RBFOX1: variants seen among roughly 807,000 people sequenced by gnomAD.
The protein encoded by RBFOX1 is RNA binding fox-1 homolog 1.
In RBFOX1, 8 loss-of-function variants were observed where a neutral mutation model predicts 57.7. The observed-to-expected ratio is 0.14, with a 90% CI of 0.08 to 0.25. RBFOX1 has a LOEUF of 0.25. Ranked by LOEUF, RBFOX1 falls within the 10% of genes least tolerant of loss-of-function variation. RBFOX1 has a pLI of 1.00. For missense variants in RBFOX1, 611 were observed against 548.5 expected (o/e 1.11, Z -1.14); for synonymous variants, 326 against 222.4 (o/e 1.47, Z -4.15).
chr16:5,241,176 G>A (rs2062158091), intron 1 of RBFOX1, among the ~76,000 whole-genome samples: 1 of 152,170 alleles, frequency 6.6e-6, no homozygotes, highest in African/African-American at 2.4e-5. Flanking sequence ...GCCCAGTCTT[G>A]GGGTTGCTCC....
rs77663504 is a variant in RBFOX1, at chr16:6,830,923, A to T, written c.-16+176273A>T. On this transcript the variant is annotated intron_variant, in intron 3 of 15. Coordinates refer to ENST00000550418, the MANE Select transcript of RBFOX1 (RefSeq NM_018723.4). The stretch of plus-strand genomic sequence containing the variant: ...TTTCAGCAACCAGGTAGAATTGGTC[A>T]TATAGCCTGTTGTGAATCCATGGAT... Among the ~76,000 whole-genome samples, 443 of 152,310 alleles carry T rather than the reference A, an allele frequency of 2.9e-3. 3 individuals are homozygous for T. The highest frequency in any genetic ancestry group is 0.01 in the African/African-American group (430 of 41,566).
At chr16:6,824,992 T>TG (rs1259530569) in intron 3 of RBFOX1, among the ~76,000 whole-genome samples, 1 of 103,102 alleles carries the variant, frequency 9.7e-6, no homozygotes, top group Non-Finnish European at 2.0e-5. Flanking sequence ...GGTTTTTTTT[T>TG]TTTTTTTTTT....
At chr16:6,483,984 G>T (rs896751592) in intron 2 of RBFOX1, 31 of 1,015,080 alleles carry the variant, frequency 3.1e-5, no homozygotes, top group Non-Finnish European at 3.4e-5. Flanking sequence ...GGTGCCCCGT[G>T]GTGGGGGTGG....
chr16:5,756,223 C>CAAAAAAAA (rs5815266), intron 3 of RBFOX1, among the ~76,000 whole-genome samples: 107 of 50,584 alleles, frequency 2.1e-3, no homozygotes, highest in Non-Finnish European at 2.6e-3. Context: ...TCCACATAAG[C>CAAAAAAAA]AAAAAAAAAA....
intron 4 of RBFOX1, among the ~76,000 whole-genome samples, chr16:7,445,160 C>A (rs1303397442): frequency 1.3e-5 from 2 of 152,002 alleles, no homozygotes; most frequent in Non-Finnish European, 1.5e-5. Context: ...AAGGGCTCAG[C>A]ATGTGCCTGG....
intron 7 of RBFOX1, among the ~76,000 whole-genome samples, chr16:7,594,666 C>G (rs1165177413): frequency 6.6e-6 from 1 of 152,052 alleles, no homozygotes; most frequent in East Asian, 1.9e-4. Flanking sequence ...GAGGAAGTGG[C>G]CAGAATATTA....
Position 6,554,076 on chromosome 16 carries a change from A to G in RBFOX1, c.-63-100527A>G, listed in dbSNP as rs1041973951. 2.0e-5 allele frequency among the ~76,000 whole-genome samples: 3 copies of G among 152,228 alleles called. No individual in the cohort carries two copies. In the East Asian group the frequency reaches 5.8e-4, roughly 29 times the overall value. On this transcript the variant is annotated intron_variant, in intron 2 of 15. Coordinates refer to ENST00000550418, the MANE Select transcript of RBFOX1 (RefSeq NM_018723.4). ...TGGATAAATAAGTGCTGGCCTTAAC[A>G]TAACAGTTTAATGTCTGTGCAAAAT...
chr16:7,643,956 AC>A (rs1318116250), intron 11 of RBFOX1, among the ~76,000 whole-genome samples: 1 of 152,140 alleles, frequency 6.6e-6, no homozygotes, highest in African/African-American at 2.4e-5. Flanking sequence ...CTGCAAATTA[AC>A]CCAGTCTATG....
At chr16:6,359,056 C>T (rs1254578993) in intron 2 of RBFOX1, among the ~76,000 whole-genome samples, 2 of 151,784 alleles carry the variant, frequency 1.3e-5, no homozygotes, top group Non-Finnish European at 2.9e-5. Flanking sequence ...ATAACAAATG[C>T]TCAGCTTGTT....
At chr16:7,654,031 G>T (rs1419442563) in intron 12 of RBFOX1, 84 bp downstream of exon 12, 5 of 1,377,860 alleles carry the variant, frequency 3.6e-6, no homozygotes, top group Non-Finnish European at 3.8e-6. Flanking sequence ...AGCGCATGAT[G>T]GTCTTGACTC....
At chr16:5,517,181 C>G (rs989536994) in intron 2 of RBFOX1, among the ~76,000 whole-genome samples, 1 of 152,108 alleles carries the variant, frequency 6.6e-6, no homozygotes, top group Non-Finnish European at 1.5e-5. Context: ...TAGGCTAGCT[C>G]AAGTCAAAGG....
chr16:7,133,052 C>A (rs1374358737), intron 4 of RBFOX1, among the ~76,000 whole-genome samples: 1 of 152,056 alleles, frequency 6.6e-6, no homozygotes, highest in Non-Finnish European at 1.5e-5. Flanking sequence ...TTGGTATTTT[C>A]TTGCGTTTCA....
chr16:7,296,596 T>C (rs1435972328), intron 4 of RBFOX1, among the ~76,000 whole-genome samples: 2 of 152,142 alleles, frequency 1.3e-5, no homozygotes, highest in African/African-American at 4.8e-5. Context: ...GTAGCAGAGC[T>C]TGAATTTAAA....
intron 3 of RBFOX1, among the ~76,000 whole-genome samples, chr16:7,029,247 TATATACACACATATATATAC>T (rs2042137437): frequency 3.0e-5 from 2 of 66,644 alleles, no homozygotes; most frequent in African/African-American, 1.2e-4. Context: ...TATACGTATA[TATATACACACATATATATAC>T]GTATACGTAT....
intron 4 of RBFOX1, among the ~76,000 whole-genome samples, chr16:7,462,933 G>C (rs1450621675): frequency 1.3e-5 from 2 of 152,222 alleles, no homozygotes; most frequent in African/African-American, 4.8e-5. Flanking sequence ...CACCCAGGTA[G>C]TTCAGCTCTT....
At chr16:6,822,990 C>T (rs1322363081) in intron 3 of RBFOX1, among the ~76,000 whole-genome samples, 3 of 152,144 alleles carry the variant, frequency 2.0e-5, no homozygotes, top group Admixed American at 6.5e-5. Flanking sequence ...AGCTTCTCAA[C>T]GTGTAGATAC....
chr16:7,347,455 C>T (rs60038043), intron 4 of RBFOX1, among the ~76,000 whole-genome samples: 4,941 of 152,164 alleles, frequency 0.032, 176 homozygotes, highest in African/African-American at 0.087. Flanking sequence ...GAAAGACCCG[C>T]CCCCCAAATT....
In RBFOX1 at chr16:5,492,064, T is replaced by C. The variant is rs532623318; in HGVS notation, c.258+24810T>C. ...GCGTTGCCTGGGAGCTTGTTGGAACTGCACACTCTCGGGCTCTGTCCTAGA... is the reference window on the plus strand; with the variant it reads ...GCGTTGCCTGGGAGCTTGTTGGAACCGCACACTCTCGGGCTCTGTCCTAGA... On this transcript the variant is annotated intron_variant, in intron 2 of 2. Coordinates refer to the RBFOX1 transcript ENST00000585867. Among the ~76,000 whole-genome samples, 12 of 152,266 alleles carry C rather than the reference T, an allele frequency of 7.9e-5. No homozygotes were observed. In the East Asian group the frequency reaches 2.3e-3, roughly 29 times the overall value.
intron 11 of RBFOX1, among the ~76,000 whole-genome samples, chr16:7,640,383 C>T (rs1377653562): frequency 6.6e-6 from 1 of 152,214 alleles, no homozygotes; most frequent in Non-Finnish European, 1.5e-5. Context: ...TGGTGATTTT[C>T]ATTTTTTCAG....
Sources: allele counts gnomAD v4.1 joint callset (sites outside exome capture counted in the v4.1 genomes callset), GRCh38; gene constraint gnomAD v4.1.1; transcripts MANE v1.5; gene names NCBI Gene and HGNC (gene_info 2026-07-23, HGNC 2026-07-21).